The following KIF26B variants were observed in gnomAD, a reference collection of about 807,000 sequenced individuals.
The protein encoded by KIF26B is kinesin-like protein KIF26B.
Under a neutral mutation model 151.2 loss-of-function variants are expected in KIF26B, and 63 were observed. The observed-to-expected ratio is 0.42, with a 90% confidence interval of 0.34 to 0.51. KIF26B has a LOEUF of 0.51. KIF26B is among the 20% of genes least tolerant of loss of function. KIF26B has a pLI of 0.07. For synonymous variants in KIF26B, 1,357 were observed against 1,262.1 expected, an observed-to-expected ratio of 1.08 and a Z score of -1.59; for missense variants, 2,813 against 2,913.6, an observed-to-expected ratio of 0.97 and a Z score of 0.79.
chr1:245,333,750 C>T (rs1425263643), intron 2 of KIF26B, among the ~76,000 whole-genome samples: 1 of 152,204 alleles, frequency 6.6e-6, no homozygotes, highest in African/African-American at 2.4e-5. Context: ...GTAATCCCAG[C>T]ACTTCGGGAG....
chr1:245,699,137 C>A, intron 14 of KIF26B, 100 bp downstream of exon 14: 1 of 1,255,774 alleles, frequency 8.0e-7, no homozygotes, highest in South Asian at 1.4e-5. Context: ...GCTGTGTCCT[C>A]GTCCTCAGTC....
intron 1 of KIF26B, among the ~76,000 whole-genome samples, chr1:245,155,759 A>G (rs546021603): frequency 2.9e-4 from 44 of 152,328 alleles, no homozygotes; most frequent in African/African-American, 1.0e-3. Context: ...GGCAGAGTGA[A>G]GCCGAAGGGG....
chr1:245,444,143 C>A (rs1070881), intron 4 of KIF26B, among the ~76,000 whole-genome samples: 11 of 145,786 alleles, frequency 7.5e-5, no homozygotes, highest in African/African-American at 2.8e-4. Context: ...TACTGTTCAC[C>A]TAGAGCGGTC....
intron 2 of KIF26B, among the ~76,000 whole-genome samples, chr1:245,260,474 C>T (rs755048940): frequency 9.2e-5 from 14 of 152,134 alleles, no homozygotes; most frequent in Non-Finnish European, 1.5e-4. Flanking sequence ...GTGTTGGACT[C>T]CCTCTAGGGA....
intron 2 of KIF26B, among the ~76,000 whole-genome samples, chr1:245,288,691 G>A (rs1337823169): frequency 1.3e-5 from 2 of 152,114 alleles, no homozygotes; most frequent in Non-Finnish European, 2.9e-5. Context: ...GTCTAGTTCC[G>A]TTACGTTTTG....
chr1:245,178,473 A>G (rs1242708278), intron 2 of KIF26B, among the ~76,000 whole-genome samples: 1 of 152,078 alleles, frequency 6.6e-6, no homozygotes, highest in Non-Finnish European at 1.5e-5. Context: ...TTGTAGTAAA[A>G]TATGTATAGC....
chr1:245,247,083 A>G (rs549915939), intron 2 of KIF26B, among the ~76,000 whole-genome samples: 1 of 152,300 alleles, frequency 6.6e-6, no homozygotes, highest in East Asian at 1.9e-4. Flanking sequence ...TTCAGAGTGT[A>G]AATCACTTAG....
chr1:245,185,690 T>A (rs1668987542), intron 2 of KIF26B, among the ~76,000 whole-genome samples: 1 of 152,188 alleles, frequency 6.6e-6, no homozygotes, highest in African/African-American at 2.4e-5. Flanking sequence ...TATTCACTTG[T>A]ATTTCTAATA....
chr1:245,553,779 A>T (rs1322899802), intron 5 of KIF26B, among the ~76,000 whole-genome samples: 1 of 152,186 alleles, frequency 6.6e-6, no homozygotes, highest in African/African-American at 2.4e-5. Flanking sequence ...GGTTAGTCCC[A>T]TCCCAGATTA....
chr1:245,158,478 T>C (rs999076900), intron 2 of KIF26B, among the ~76,000 whole-genome samples: 32 of 32,254 alleles, frequency 9.9e-4, no homozygotes, highest in Admixed American at 6.8e-3. Flanking sequence ...AAGGTAAAAC[T>C]CTTGTTGGTA....
intron 2 of KIF26B, among the ~76,000 whole-genome samples, chr1:245,302,988 C>CAAAAAA (rs74163037): frequency 0.042 from 1,511 of 35,580 alleles, 119 homozygotes; most frequent in Non-Finnish European, 0.051. Flanking sequence ...GACTCTGTCT[C>CAAAAAA]AAAAAAAAAA....
chr1:245,583,940 C>T (rs2043200990), intron 5 of KIF26B, among the ~76,000 whole-genome samples: 1 of 152,176 alleles, frequency 6.6e-6, no homozygotes, highest in South Asian at 2.1e-4. Flanking sequence ...ACAAAAGGAC[C>T]CTCTGTAGAA....
chr1:245,313,665 T>A (rs1027170296), intron 2 of KIF26B, among the ~76,000 whole-genome samples: 1 of 152,218 alleles, frequency 6.6e-6, no homozygotes, highest in African/African-American at 2.4e-5. Flanking sequence ...GCGGCAAGCA[T>A]TCACACCACC....
At chr1:245,248,250 G>C (rs1235842566) in intron 2 of KIF26B, among the ~76,000 whole-genome samples, 1 of 152,152 alleles carries the variant, frequency 6.6e-6, no homozygotes, top group Non-Finnish European at 1.5e-5. Flanking sequence ...ACGCTGTCTG[G>C]ACAGTGGAAG....
At chr1:245,598,653 C>T (rs1203457323) in intron 5 of KIF26B, among the ~76,000 whole-genome samples, 4 of 151,840 alleles carry the variant, frequency 2.6e-5, no homozygotes, top group African/African-American at 2.4e-5. Flanking sequence ...AGTTTGGGAG[C>T]GAGGCTCTGC....
Position 245,686,447 on chromosome 1 carries a change from A to G in KIF26B, c.3464A>G (p.Glu1155Gly). 1.2e-6 allele frequency: 2 copies of G among 1,613,310 alleles called. No homozygotes were observed. Among genetic ancestry groups the G allele is most frequent in the Non-Finnish European group, 1.7e-6 (2 of 1,179,892 alleles). Residue 1155 changes from glutamate to glycine, a missense_variant, in exon 12 of 15, where the codon GAG becomes GGG. By Grantham distance (98) the Glu-to-Gly change is moderately conservative. Around this residue, in one of 3 missense-constraint regions of KIF26B, gnomAD observed 2,060 missense variants for 2,088.6 expected, o/e 0.99. Coordinates refer to ENST00000407071, the MANE Select transcript of KIF26B (RefSeq NM_018012.4). The surrounding 1 kb of genome is among the most constrained non-coding windows in gnomAD (Gnocchi z 5.6). ...TTCCCGGAAACTCCTGTCGATGATGAGCAGCAGGCAGCTACTCCTTCAGAG... is the reference window on the plus strand; with the variant it reads ...TTCCCGGAAACTCCTGTCGATGATGGGCAGCAGGCAGCTACTCCTTCAGAG... ...EGFPETPVDD[E>G]QQAATPSESK...
chr1:245,418,327 ATAATGCGT>A (rs527471720), intron 3 of KIF26B, among the ~76,000 whole-genome samples: 10 of 152,342 alleles, frequency 6.6e-5, no homozygotes, highest in African/African-American at 2.4e-4. Context: ...AAGTTTCCTT[ATAATGCGT>A]TAAATGAATG....
At chr1:245,359,012 GTT>G (rs1672757323) in intron 2 of KIF26B, among the ~76,000 whole-genome samples, 1 of 151,894 alleles carries the variant, frequency 6.6e-6, no homozygotes, top group African/African-American at 2.4e-5. Flanking sequence ...GTGAAATCAG[GTT>G]TCTCTCTCTT....
intron 4 of KIF26B, among the ~76,000 whole-genome samples, chr1:245,472,242 A>G (rs1045473654): frequency 6.6e-6 from 1 of 152,200 alleles, no homozygotes; most frequent in Non-Finnish European, 1.5e-5. Flanking sequence ...AGAAACACAC[A>G]GCGCCTTGCC....
Sources: allele counts gnomAD v4.1 joint callset (sites outside exome capture counted in the v4.1 genomes callset), GRCh38; gene constraint gnomAD v4.1.1; regional missense constraint gnomAD v4.1.1; non-coding constraint Gnocchi (gnomAD v3.1); transcripts MANE v1.5; gene names NCBI Gene and HGNC (gene_info 2026-07-23, HGNC 2026-07-21).